The following MYCBP2 variants were observed in gnomAD, a reference collection of about 807,000 sequenced individuals.
The protein encoded by MYCBP2 is MYC binding protein 2.
A neutral mutation model predicts 525.3 loss-of-function variants in MYCBP2; 120 were observed. The ratio of observed to expected loss-of-function variants is 0.23; its 90% CI spans 0.20 to 0.27. The LOEUF is 0.27. Among genes scored for constraint, MYCBP2 ranks in the 10% least tolerant of loss-of-function variants. MYCBP2 has a pLI of 1.00. For synonymous variants in MYCBP2, 1,894 were observed against 1,955.8 expected, an observed-to-expected ratio of 0.97 and a Z score of 0.83; for missense variants, 4,149 against 5,657.1, an observed-to-expected ratio of 0.73 and a Z score of 8.55.
At position 77,185,322 on chromosome 13, in the gene MYCBP2, T is replaced by C. The variant is rs756614782; in HGVS notation, c.4500A>G (p.Lys1500=). The C allele has an allele frequency of 6.2e-7, 1 of 1,613,948 alleles. No individual in the cohort carries two copies. The highest frequency in any genetic ancestry group is 1.3e-5 in the African/African-American group (1 of 74,952). Residue 1500 remains lysine, a synonymous_variant, in exon 32 of 83, where the codon AAA becomes AAG. Transcript: ENST00000544440. ...ETSKLAECIG[K]TRTLLRKILS... ...AAATTTTTCTTAACAAAGTTCTGGT[T>C]TTTCCAATACACTCTGCTAATTTGC...
chr13:77,189,342 T>C (rs2061067463), intron 29 of MYCBP2, among the ~76,000 whole-genome samples: 1 of 152,178 alleles, frequency 6.6e-6, no homozygotes, highest in African/African-American at 2.4e-5. Flanking sequence ...CTAGTAATGC[T>C]ACTATTAATG....
chr13:77,326,729 C>G lies in MYCBP2; in HGVS notation c.47G>C (p.Gly16Ala), dbSNP rs1310549341. ...ATASPAAASS[G>A]LGGDGFYPAA... ...TGGGTAGAATCCGTCCCCGCCGAGCCCCGAGGAGGCGGCGGCGGGGGAGGC... is the reference window on the plus strand; with the variant it reads ...TGGGTAGAATCCGTCCCCGCCGAGCGCCGAGGAGGCGGCGGCGGGGGAGGC... The change falls in exon 1 of 83, where the codon GGG (glycine) becomes GCG (alanine). Residue 16 changes from glycine to alanine, a missense_variant. Physicochemically the swap from Gly to Ala is moderately conservative, Grantham distance 60. Around this residue, in one of 21 missense-constraint regions of MYCBP2, gnomAD observed 413 missense variants for 451.2 expected, o/e 0.92. Transcript: ENST00000544440. The surrounding 1 kb of genome is among the most constrained non-coding windows in gnomAD (Gnocchi z 4.2). 52 of 1,410,218 alleles carry G rather than the reference C, an allele frequency of 3.7e-5. No homozygotes were observed. The highest frequency in any genetic ancestry group is 4.4e-5 in the Non-Finnish European group (48 of 1,095,618). 87.4% of individuals were successfully genotyped at this position (1,410,218 alleles called of 1,614,324 possible). A position where few individuals can be genotyped will look rare whatever the true frequency, so the allele number is the denominator to read the frequency against.
intron 2 of MYCBP2, 43 bp from the exon 3 acceptor site, chr13:77,288,419 A>C (rs537753489): frequency 6.7e-7 from 1 of 1,498,966 alleles, no homozygotes; most frequent in African/African-American, 1.4e-5. Flanking sequence ...ACTCTTTTCT[A>C]TCATCAAGTC....
At chr13:77,222,432 C>G (rs2065720878) in intron 20 of MYCBP2, among the ~76,000 whole-genome samples, 3 of 152,048 alleles carry the variant, frequency 2.0e-5, no homozygotes, top group Non-Finnish European at 4.4e-5. Context: ...AATGATATCT[C>G]AATCGTCTCT....
At chr13:77,067,513 T>G in intron 71 of MYCBP2, 68 bp downstream of exon 71, 1 of 1,485,796 alleles carries the variant, frequency 6.7e-7, no homozygotes, top group East Asian at 2.3e-5. Context: ...TCTGAAATTA[T>G]GTCTTAAATT....
At chr13:77,196,603 A>G (rs2061779738) in intron 26 of MYCBP2, among the ~76,000 whole-genome samples, 2 of 152,218 alleles carry the variant, frequency 1.3e-5, no homozygotes, top group African/African-American at 4.8e-5. Flanking sequence ...GGATGTGTGT[A>G]AAAGAAAGAG....
At chr13:77,215,439 C>G (rs1233082243) in intron 21 of MYCBP2, among the ~76,000 whole-genome samples, 1 of 152,074 alleles carries the variant, frequency 6.6e-6, no homozygotes, top group Non-Finnish European at 1.5e-5. Flanking sequence ...CTATTTTAGA[C>G]ATATCTGGGG....
Position 77,093,257 on chromosome 13 carries a change from T to C in MYCBP2, c.10275A>G (p.Thr3425=), listed in dbSNP as rs1219102413. 1.9e-6 allele frequency: 3 copies of C among 1,613,364 alleles called. No homozygotes were observed. The highest frequency in any genetic ancestry group is 1.3e-5 in the African/African-American group (1 of 74,862). ...CTGATATATACGGGGCAGGTACAGATGTTGAACGTAGATATCTCATTTCAT... is the reference window on the plus strand; with the variant it reads ...CTGATATATACGGGGCAGGTACAGACGTTGAACGTAGATATCTCATTTCAT... ...FQDEMRYLRS[T]SVPAPYISVT... Residue 3425 remains threonine, a synonymous_variant, in exon 59 of 83, where the codon ACA becomes ACG. Coordinates refer to ENST00000544440, the MANE Select transcript of MYCBP2 (RefSeq NM_015057.5).
At chr13:77,314,197 C>A (rs2080635655) in intron 1 of MYCBP2, among the ~76,000 whole-genome samples, 1 of 152,186 alleles carries the variant, frequency 6.6e-6, no homozygotes. Context: ...TAGATTTAAC[C>A]ATTCCCCAAT....
At chr13:77,285,894 G>GAAAGGAAAGC (rs1567157987) in intron 3 of MYCBP2, among the ~76,000 whole-genome samples, 3 of 101,698 alleles carry the variant, frequency 2.9e-5, no homozygotes, top group South Asian at 5.5e-4. Flanking sequence ...GAAAGGAAAG[G>GAAAGGAAAGC]AAAGCAAAGG....
At chr13:77,141,063 G>T in intron 49 of MYCBP2, 120 bp from the exon 50 acceptor site, 1 of 700,482 alleles carries the variant, frequency 1.4e-6, no homozygotes, top group Non-Finnish European at 2.4e-6. Flanking sequence ...TCTGATTTCT[G>T]TCCTTTTAAG....
rs556206561 is a variant in MYCBP2, at chr13:77,202,218, G to A, written c.3843+3038C>T. On this transcript the variant is annotated intron_variant, in intron 26 of 82. Transcript: ENST00000544440. ...AAATGATAAAGGGGATATCATCACC[G>A]ATCCCACAGAAATACAAACTACCAT... 5.6e-3 allele frequency among the ~76,000 whole-genome samples: 860 copies of A among 152,262 alleles called. 9 individuals carry two copies. The highest frequency in any genetic ancestry group is 0.02 in the African/African-American group (817 of 41,556).
chr13:77,205,477 A>G lies in MYCBP2; in HGVS notation c.3711T>C (p.Phe1237=). ...SKEDYSVVNR[F]ESHGGGWGYS... is the part of the protein sequence containing the mutation. The stretch of plus-strand genomic sequence containing the variant: ...CCTAAACCGAAGTATACATACTTTC[A>G]AACCTGTTTACCACACTATAATCTT... Residue 1237 remains phenylalanine (F), a synonymous_variant, in exon 25 of 83, where the codon TTT becomes TTC. Transcript: ENST00000544440. 1 of 1,613,354 alleles carries G rather than the reference A, an allele frequency of 6.2e-7. No homozygotes were observed. Among genetic ancestry groups the G allele is most frequent in the Non-Finnish European group, 8.5e-7 (1 of 1,179,720 alleles).
intron 59 of MYCBP2, among the ~76,000 whole-genome samples, chr13:77,091,119 T>C (rs1184028647): frequency 6.6e-6 from 1 of 152,134 alleles, no homozygotes; most frequent in Non-Finnish European, 1.5e-5. Flanking sequence ...CCTGTGTCCC[T>C]TGGTAAAATT....
In MYCBP2 at chr13:77,088,948, G is replaced by T. The variant is rs772864963; in HGVS notation, c.10609C>A (p.Arg3537=). 2.5e-6 allele frequency: 4 copies of T among 1,613,332 alleles called. No individual in the cohort carries two copies. The African/African-American group carries it at 5.3e-5, about 22-fold the overall frequency. The change falls in exon 61 of 83, where the codon CGA becomes AGA. Residue 3537 remains arginine, a synonymous_variant. Transcript: ENST00000544440. ...SAHSSLSKGE[R]NFQWPVLAFV... ...GCTAAAACTGGCCACTGGAAATTTCGTTCTCCTTTAGAAAGAGAGCTGTGG... is the reference window on the plus strand; with the variant it reads ...GCTAAAACTGGCCACTGGAAATTTCTTTCTCCTTTAGAAAGAGAGCTGTGG...
intron 2 of MYCBP2, among the ~76,000 whole-genome samples, chr13:77,289,643 T>C (rs572169166): frequency 2.0e-5 from 3 of 152,162 alleles, no homozygotes; most frequent in South Asian, 2.1e-4. Context: ...TCCAGGCAAA[T>C]TGGTCTACTC....
At chr13:77,165,191 T>G in intron 42 of MYCBP2, 82 bp downstream of exon 42, 1 of 1,242,826 alleles carries the variant, frequency 8.0e-7, no homozygotes, top group East Asian at 2.4e-5. Context: ...AACAGTACAA[T>G]TTAAGTCAGT....
chr13:77,207,945 T>C (rs977438169), intron 23 of MYCBP2, among the ~76,000 whole-genome samples: 1 of 151,676 alleles, frequency 6.6e-6, no homozygotes, highest in African/African-American at 2.4e-5. Context: ...TATCTGCCCA[T>C]CCCCCCACCA....
chr13:77,102,101 G>A (rs756721964), intron 55 of MYCBP2, among the ~76,000 whole-genome samples: 1 of 151,648 alleles, frequency 6.6e-6, no homozygotes, highest in Non-Finnish European at 1.5e-5. Context: ...CATGTTAAAT[G>A]GTAAGCATTC....
Sources: gnomAD v4.1 joint callset for allele counts (sites outside exome capture counted in the v4.1 genomes callset) on GRCh38, gnomAD v4.1.1 for gene constraint, gnomAD v4.1.1 regional missense constraint, Gnocchi (gnomAD v3.1) non-coding constraint, MANE v1.5 for transcripts, NCBI Gene and HGNC (gene_info 2026-07-23, HGNC 2026-07-21) for gene names.